The following C2 variants were observed in gnomAD, a reference collection of about 807,000 sequenced individuals.
The protein encoded by C2 is complement C2.
C2 carries 64 observed loss-of-function variants against 85.2 expected under a neutral mutation model. That is an observed-to-expected ratio of 0.75 (90% confidence interval 0.61 to 0.92). The LOEUF is 0.92. C2 is among the 40% of genes least tolerant of loss of function. The pLI is 0.00. For synonymous variants in C2, 311 were observed against 370.8 expected (o/e 0.84, Z 1.85); for missense variants, 820 against 971.6 (o/e 0.84, Z 2.07).
chr6:31,922,753 A>C (rs1006455110), upstream of C2, among the ~76,000 whole-genome samples: 1 of 152,182 alleles, frequency 6.6e-6, no homozygotes, highest in Non-Finnish European at 1.5e-5. This position sits in a 1 kb window ranked among gnomAD's most constrained non-coding sequence, Gnocchi z 4.8. Flanking sequence ...GAGGCAGGAG[A>C]ATCCCTTGAA....
upstream of C2, among the ~76,000 whole-genome samples, chr6:31,924,864 T>C (rs9267677): frequency 0.13 from 19,580 of 152,212 alleles, 1,475 homozygotes; most frequent in African/African-American, 0.19. Context: ...ACTTTGCCAT[T>C]CCTCCTATCA....
At chr6:31,919,239 G>A (rs1165002632), upstream of C2, among the ~76,000 whole-genome samples, 1 of 151,280 alleles carries the variant, frequency 6.6e-6, no homozygotes, top group East Asian at 1.9e-4. Context: ...CTGCCTCCCA[G>A]GTTCAAGCAA....
At chr6:31,933,039 A>G (rs893565439) in intron 3 of C2, among the ~76,000 whole-genome samples, 7 of 152,134 alleles carry the variant, frequency 4.6e-5, no homozygotes, top group African/African-American at 1.7e-4. Flanking sequence ...TCAGGCAGGG[A>G]GGTTGCAGTG....
At position 31,942,966 on chromosome 6, in the gene C2, T is replaced by C. The variant is rs1771002751; in HGVS notation, c.1227T>C (p.Tyr409=). Residue 409 remains tyrosine (Y), a synonymous_variant, in exon 10 of 18, where the codon TAT becomes TAC. Coordinates refer to ENST00000299367, the MANE Select transcript of C2 (RefSeq NM_000063.6). The part of the protein sequence containing the change: ...NQKRNDYLDI[Y]AIGVGKLDVD... Reference sequence around the variant, plus strand: ...TTCCCTCTTCCCCACCAGACATCTATGCCATCGGGGTGGGCAAGCTGGATG... The same window carrying C: ...TTCCCTCTTCCCCACCAGACATCTACGCCATCGGGGTGGGCAAGCTGGATG... The C allele has an allele frequency of 6.2e-7, 1 of 1,613,058 alleles. No homozygotes were observed. Among genetic ancestry groups the C allele is most frequent in the Non-Finnish European group, 8.5e-7 (1 of 1,180,030 alleles).
chr6:31,916,016 A>G (rs1181906396), upstream of C2, among the ~76,000 whole-genome samples: 5 of 152,250 alleles, frequency 3.3e-5, no homozygotes, highest in African/African-American at 7.2e-5. Context: ...TGGAGAGACC[A>G]GTATATGGAT....
chr6:31,929,961 G>A (rs1439846864), intron 3 of C2, among the ~76,000 whole-genome samples: 2 of 151,346 alleles, frequency 1.3e-5, no homozygotes, highest in African/African-American at 2.4e-5. Context: ...GCAGTGAGCC[G>A]AGATCGTGCC....
At chr6:31,924,848 C>T (rs879466015), upstream of C2, among the ~76,000 whole-genome samples, 30 of 152,170 alleles carry the variant, frequency 2.0e-4, no homozygotes, top group Admixed American at 9.2e-4. Context: ...GCCCCTTTGC[C>T]GTGTGACTTT....
chr6:31,931,860 C>A (rs1255173900), intron 3 of C2, among the ~76,000 whole-genome samples: 1 of 151,184 alleles, frequency 6.6e-6, no homozygotes, highest in Non-Finnish European at 1.5e-5. Context: ...GCGCCCCTCA[C>A]CTCCCGGACA....
chr6:31,923,457 C>T (rs987117233), upstream of C2, among the ~76,000 whole-genome samples: 4 of 152,164 alleles, frequency 2.6e-5, no homozygotes, highest in Non-Finnish European at 5.9e-5. Flanking sequence ...TCAGCCTTGT[C>T]TGCTTACCCT....
At position 31,933,741 on chromosome 6, in the gene C2, C is replaced by T. The variant is rs1226902798; in HGVS notation, c.574C>T (p.Gln192Ter). ...VLTGSSEREC[Q>*]GNGVWSGTEP... is the part of the protein sequence containing the mutation. ...CACGGGGTCTTCGGAGCGGGAGTGC[C>T]AGGGCAACGGGGTCTGGAGTGGAAC... is the stretch of plus-strand genomic sequence containing the variant. Residue 192 changes from glutamine (Q) to a stop codon, truncating the protein, a stop_gained, in exon 4 of 18, where the codon CAG (glutamine) becomes TAG (stop). Coordinates refer to ENST00000299367, the MANE Select transcript of C2 (RefSeq NM_000063.6). LOFTEE classifies it high-confidence loss of function. The T allele has an allele frequency of 6.2e-7, 1 of 1,613,518 alleles. No homozygotes were observed. The highest frequency in any genetic ancestry group is 1.7e-5 in the Admixed American group (1 of 60,012).
rs1004323059 is a variant in C2 at position 31,933,890 on chromosome 6, G to A, written c.640G>A (p.Glu214Lys). 3 of 1,614,190 alleles carry A rather than the reference G, an allele frequency of 1.9e-6. No individual in the cohort carries two copies. The highest frequency in any genetic ancestry group is 1.1e-5 in the South Asian group (1 of 91,086). ...CRQPYSYDFP[E>K]DVAPALGTSF... ...AGAACCCTACTCTTATGACTTCCCT[G>A]AGGACGTGGCCCCTGCCCTGGGCAC... Residue 214 changes from glutamate (E) to lysine (K), a missense_variant, in exon 5 of 18, where the codon GAG (glutamate) becomes AAG (lysine). Glu to Lys is a moderately conservative substitution (Grantham distance 56, BLOSUM62 1). Transcript: ENST00000299367.
Position 31,901,734 on chromosome 6 carries a change from T to TC in C2, c.73+602dup, listed in dbSNP as rs1032060800. The TC allele has an allele frequency of 6.0e-4, 95 of 158,440 alleles. No individual in the cohort carries two copies. In the East Asian group the frequency reaches 0.016, roughly 26 times the overall value. The allele number at this position is 158,440 out of a possible 1,614,324, so 9.8% of individuals were successfully genotyped here. A position where few individuals can be genotyped will look rare whatever the true frequency, so the allele number is the denominator to read the frequency against. On this transcript the variant is annotated intron_variant, in intron 1 of 3. Coordinates refer to the C2 transcript ENST00000452202. Reference sequence around the variant, plus strand: ...ACGTTTGCACGCGCTTTTCACGTCCTCCCCCCCGCCGCCAGCACGCACCGT... The same window carrying TC: ...ACGTTTGCACGCGCTTTTCACGTCCTCCCCCCCCGCCGCCAGCACGCACCGT...
chr6:31,900,678 T>C (rs962603686), upstream of C2: 1 of 1,612,236 alleles, frequency 6.2e-7, no homozygotes, highest in Non-Finnish European at 8.5e-7. This position sits in a 1 kb window ranked among gnomAD's most constrained non-coding sequence, Gnocchi z 9.7. Flanking sequence ...ACCTTGACGA[T>C]GCAGATGTCA....
chr6:31,934,691 T>G, intron 6 of C2: 1 of 1,233,566 alleles, frequency 8.1e-7, no homozygotes, highest in East Asian at 3.6e-5. Context: ...CTTTTAAAAC[T>G]TCAACATTTT....
At chr6:31,902,593 C>T (rs1382554040) in intron 1 of C2, among the ~76,000 whole-genome samples, 2 of 152,254 alleles carry the variant, frequency 1.3e-5, no homozygotes, top group Non-Finnish European at 2.9e-5. Context: ...TGAGTGTGCT[C>T]ACAGTTGCTC....
chr6:31,931,660 C>T (rs1769761215), intron 3 of C2, among the ~76,000 whole-genome samples: 1 of 152,156 alleles, frequency 6.6e-6, no homozygotes, highest in African/African-American at 2.4e-5. Flanking sequence ...CCCAGGTCTA[C>T]CTCTTTCTAC....
chr6:31,908,600 C>T (rs545798658), intron 1 of C2, among the ~76,000 whole-genome samples: 3 of 149,594 alleles, frequency 2.0e-5, no homozygotes, highest in African/African-American at 7.4e-5. Context: ...TGTAATGAGC[C>T]GAGATTGCAC....
upstream of C2, among the ~76,000 whole-genome samples, chr6:31,919,144 C>CTTTTT (rs559090030): frequency 1.1e-4 from 15 of 133,656 alleles, no homozygotes; most frequent in East Asian, 2.1e-4. Flanking sequence ...CTTTTCTTTT[C>CTTTTT]TTTTTTTTTT....
Position 31,940,439 on chromosome 6 carries a change from G to T in C2, c.1219+1119G>T, listed in dbSNP as rs553380500. On this transcript the variant is annotated intron_variant, in intron 9 of 17. Coordinates refer to ENST00000299367, the MANE Select transcript of C2 (RefSeq NM_000063.6). ...CAGCTGGCTAACTAAGGCTTTGGCA[G>T]TTGCAGCCTCTAAAGGAAAAATTCC... 9.2e-5 allele frequency among the ~76,000 whole-genome samples: 14 copies of T among 152,364 alleles called. No individual in the cohort carries two copies. In the South Asian group the frequency reaches 2.9e-3, roughly 32 times the overall value.
Sources: gnomAD v4.1 joint callset for allele counts (sites outside exome capture counted in the v4.1 genomes callset) on GRCh38, gnomAD v4.1.1 for gene constraint, Gnocchi (gnomAD v3.1) non-coding constraint, MANE v1.5 for transcripts, NCBI Gene and HGNC (gene_info 2026-07-23, HGNC 2026-07-21) for gene names.